The following SNTG2 variants were observed in gnomAD, a reference collection of about 807,000 sequenced individuals.
SNTG2 encodes the protein gamma-2-syntrophin.
Under a neutral mutation model 70.9 loss-of-function variants are expected in SNTG2, and 74 were observed. That is an observed-to-expected ratio of 1.04 (90% CI 0.86 to 1.27). The LOEUF is 1.27. Ranked by LOEUF, SNTG2 falls within the 50% of genes most tolerant of loss-of-function variation. The pLI is 0.00. For missense variants in SNTG2, 717 were observed against 690.7 expected, an observed-to-expected ratio of 1.04 and a Z score of -0.43; for synonymous variants, 278 against 273.8, an observed-to-expected ratio of 1.02 and a Z score of -0.15.
intron 1 of SNTG2, among the ~76,000 whole-genome samples, chr2:1,005,860 TATATATATATATATAA>T (rs1659554525): frequency 8.3e-5 from 2 of 23,978 alleles, no homozygotes; most frequent in African/African-American, 3.1e-4. Flanking sequence ...TATATATATA[TATATATATATATATAA>T]ACGTTGACAT....
intron 1 of SNTG2, among the ~76,000 whole-genome samples, chr2:1,051,705 G>A (rs1275097497): frequency 2.6e-5 from 4 of 152,158 alleles, no homozygotes; most frequent in African/African-American, 7.2e-5. Context: ...AGAGGCCCAC[G>A]TGGCAAAACA....
intron 4 of SNTG2, among the ~76,000 whole-genome samples, chr2:1,135,969 G>A (rs1668359505): frequency 6.6e-6 from 1 of 152,184 alleles, no homozygotes; most frequent in African/African-American, 2.4e-5. Flanking sequence ...ATTTGATAAA[G>A]ATGGTGCTTC....
At chr2:1,205,548 T>G (rs1454840866) in intron 8 of SNTG2, among the ~76,000 whole-genome samples, 1 of 152,104 alleles carries the variant, frequency 6.6e-6, no homozygotes, top group Non-Finnish European at 1.5e-5. Flanking sequence ...ACCTCACAAG[T>G]TCCTTCTTGG....
chr2:1,238,415 T>C (rs1015044842), intron 10 of SNTG2, among the ~76,000 whole-genome samples: 19 of 152,232 alleles, frequency 1.2e-4, no homozygotes, highest in Admixed American at 2.0e-4. Context: ...AAAAGTATAA[T>C]TCTCCCAAAC....
chr2:1,335,903 A>C (rs935472887), intron 16 of SNTG2, among the ~76,000 whole-genome samples: 3 of 152,108 alleles, frequency 2.0e-5, no homozygotes, highest in African/African-American at 2.4e-5. Flanking sequence ...TGTGTTTTAC[A>C]TTTCTTTTAG....
chr2:1,012,944 T>G (rs5022503), intron 1 of SNTG2, among the ~76,000 whole-genome samples: 142 of 29,306 alleles, frequency 4.8e-3, no homozygotes, highest in Admixed American at 5.1e-3. Context: ...GGGTGGTCTG[T>G]AGAGGGATTT....
intron 14 of SNTG2, among the ~76,000 whole-genome samples, chr2:1,300,300 T>C (rs1263988560): frequency 6.6e-6 from 1 of 152,236 alleles, no homozygotes; most frequent in East Asian, 1.9e-4. Context: ...CCTTTCAAAG[T>C]CCACTCACTC....
intron 1 of SNTG2, among the ~76,000 whole-genome samples, chr2:979,133 A>G (rs1661011290): frequency 6.6e-6 from 1 of 152,234 alleles, no homozygotes; most frequent in African/African-American, 2.4e-5. Flanking sequence ...TGGAAATTGA[A>G]ATGAAAATAT....
intron 8 of SNTG2, among the ~76,000 whole-genome samples, chr2:1,191,909 A>G (rs1486504888): frequency 1.3e-5 from 2 of 151,916 alleles, no homozygotes; most frequent in African/African-American, 4.8e-5. Flanking sequence ...TATATATGTT[A>G]TTTATGTATA....
intron 4 of SNTG2, among the ~76,000 whole-genome samples, chr2:1,120,889 A>G (rs1667333913): frequency 6.6e-6 from 1 of 152,054 alleles, no homozygotes; most frequent in Non-Finnish European, 1.5e-5. Context: ...CTTGAATTGC[A>G]CTTTGGGCCA....
chr2:975,131 G>A (rs1022637459), intron 1 of SNTG2, among the ~76,000 whole-genome samples: 6 of 147,592 alleles, frequency 4.1e-5, no homozygotes, highest in East Asian at 2.0e-4. Flanking sequence ...ACTAACACCC[G>A]TGAGCAATAA....
At chr2:1,077,796 C>G (rs4383364) in intron 1 of SNTG2, among the ~76,000 whole-genome samples, 126,313 of 152,122 alleles carry the variant, frequency 0.83, 52,527 homozygotes, top group Admixed American at 0.89. Flanking sequence ...AGGCATATGA[C>G]ACCCATGTTT....
intron 16 of SNTG2, among the ~76,000 whole-genome samples, chr2:1,316,600 T>TA (rs1364395464): frequency 2.4e-5 from 1 of 41,196 alleles, no homozygotes; most frequent in East Asian, 5.6e-4. Flanking sequence ...TGTTTGGGAT[T>TA]TCAGATTTTG....
rs1335478474 is a variant in SNTG2 at position 1,047,683 on chromosome 2, G to A, written c.73-35835G>A. On this transcript the variant is annotated intron_variant, in intron 1 of 16. Transcript: ENST00000308624. ...CTGCAATCTAGTAGGTGGTGATTAA[G>A]TGTCATTGCTGATTGGTGGGCTCTT... Among the ~76,000 whole-genome samples, 3 of 152,206 alleles carry A rather than the reference G, an allele frequency of 2.0e-5. No homozygotes were observed. The East Asian group carries it at 5.8e-4, about 29-fold the overall frequency.
intron 9 of SNTG2, among the ~76,000 whole-genome samples, chr2:1,230,398 G>A (rs1676133655): frequency 6.6e-6 from 1 of 152,146 alleles, no homozygotes; most frequent in South Asian, 2.1e-4. Context: ...AAAGGCCGAT[G>A]CTGAAGCCGA....
At chr2:1,021,734 C>T (rs1470126250) in intron 1 of SNTG2, among the ~76,000 whole-genome samples, 1 of 151,910 alleles carries the variant, frequency 6.6e-6, no homozygotes, top group African/African-American at 2.4e-5. Context: ...ACCCCAGCCT[C>T]CTGAGTAGCT....
chr2:1,258,092 A>G (rs1678223466), intron 12 of SNTG2, among the ~76,000 whole-genome samples: 1 of 152,222 alleles, frequency 6.6e-6, no homozygotes, highest in Admixed American at 6.5e-5. Flanking sequence ...AGGCAGTAGC[A>G]TAAAACACTG....
intron 11 of SNTG2, 50 bp from the exon 12 acceptor site, chr2:1,247,277 G>T: frequency 8.7e-7 from 1 of 1,148,698 alleles, no homozygotes; most frequent in East Asian, 2.4e-5. Context: ...CTGCTGCTGT[G>T]ACAGTATGCC....
chr2:976,184 C>T (rs1009228950), intron 1 of SNTG2, among the ~76,000 whole-genome samples: 3 of 152,134 alleles, frequency 2.0e-5, no homozygotes, highest in Non-Finnish European at 4.4e-5. Flanking sequence ...TAATTAGAAG[C>T]AATTCATATT....
Sources: allele counts gnomAD v4.1 joint callset (sites outside exome capture counted in the v4.1 genomes callset), GRCh38; gene constraint gnomAD v4.1.1; transcripts MANE v1.5; gene names NCBI Gene and HGNC (gene_info 2026-07-23, HGNC 2026-07-21).